MAN2B2: variants seen among roughly 807,000 people sequenced by gnomAD.
MAN2B2 encodes mannosidase alpha class 2B member 2.
Under a neutral mutation model 117.1 loss-of-function variants are expected in MAN2B2, and 106 were observed. The ratio of observed to expected loss-of-function variants is 0.90; its 90% confidence interval spans 0.77 to 1.06. MAN2B2 has a LOEUF of 1.06. MAN2B2 is among the 50% of genes least tolerant of loss of function. MAN2B2 has a pLI of 0.00. For synonymous variants in MAN2B2, 544 were observed against 595.1 expected, an observed-to-expected ratio of 0.91 and a Z score of 1.25; for missense variants, 1,326 against 1,381.4, an observed-to-expected ratio of 0.96 and a Z score of 0.64.
chr4:6,614,337 T>C lies in MAN2B2; in HGVS notation c.2683T>C (p.Ser895Pro). 6.2e-7 allele frequency: 1 copy of C among 1,613,938 alleles called. No homozygotes were observed. Among genetic ancestry groups the C allele is most frequent in the Non-Finnish European group, 8.5e-7 (1 of 1,179,910 alleles). ...CTACAGCTCCAACCACACGGAGCAC[T>C]CTCAGAATCTCCGGAAAGGTGAGGC... is the stretch of plus-strand genomic sequence containing the variant. ...WRYSSNHTEH[S>P]QNLRKGHRGE... The change falls in exon 16 of 19, where the codon TCT becomes CCT. Residue 895 changes from serine (S) to proline (P), a missense_variant. Coordinates refer to ENST00000285599, the MANE Select transcript of MAN2B2 (RefSeq NM_015274.3).
At chr4:6,612,795 T>G (rs1256955559) in intron 15 of MAN2B2, among the ~76,000 whole-genome samples, 1 of 152,240 alleles carries the variant, frequency 6.6e-6, no homozygotes, top group African/African-American at 2.4e-5. Context: ...CTGGTCTCTG[T>G]TGGTTGCAAG....
chr4:6,578,146 T>C (rs760516625), intron 2 of MAN2B2, among the ~76,000 whole-genome samples: 1 of 152,212 alleles, frequency 6.6e-6, no homozygotes, highest in Non-Finnish European at 1.5e-5. Context: ...AATTAGTTAA[T>C]AAAATAAGAT....
intron 17 of MAN2B2, chr4:6,619,391 G>A (rs1175153953): frequency 6.6e-6 from 1 of 152,436 alleles, no homozygotes; most frequent in Non-Finnish European, 1.5e-5. Flanking sequence ...GTAGTGGCCA[G>A]AAAGGCCTTG....
intron 12 of MAN2B2, 161 bp from the exon 13 acceptor site, chr4:6,609,637 G>C: frequency 1.1e-6 from 1 of 895,476 alleles, no homozygotes. Context: ...CCAGCCGCTC[G>C]GGGTCCTGGG....
At chr4:6,579,332 C>T (rs1327493015) in intron 3 of MAN2B2, among the ~76,000 whole-genome samples, 9 of 131,986 alleles carry the variant, frequency 6.8e-5, no homozygotes, top group South Asian at 2.7e-4. Context: ...CCACCACCAC[C>T]ACCACCACCA....
chr4:6,608,601 G>A (rs1202093035), intron 11 of MAN2B2, among the ~76,000 whole-genome samples: 2 of 152,314 alleles, frequency 1.3e-5, no homozygotes, highest in African/African-American at 2.4e-5. Flanking sequence ...GTGTGATCTT[G>A]GGTACATGAT....
rs1711741574 is a variant in MAN2B2 at position 6,614,249 on chromosome 4, G to T, written c.2595G>T (p.Gln865His). The T allele has an allele frequency of 6.2e-7, 1 of 1,613,968 alleles. No homozygotes were observed. Among genetic ancestry groups the T allele is most frequent in the Non-Finnish European group, 8.5e-7 (1 of 1,179,986 alleles). The part of the protein sequence containing the change: ...GTAPKLPGPQ[Q>H]QEAVTLPPNL... Reference sequence around the variant, plus strand: ...CGCCGAAGCTCCCAGGACCCCAGCAGCAAGAGGCCGTGACGCTGCCCCCGA... The same window carrying T: ...CGCCGAAGCTCCCAGGACCCCAGCATCAAGAGGCCGTGACGCTGCCCCCGA... The change falls in exon 16 of 19, where the codon CAG (glutamine) becomes CAT (histidine). Residue 865 changes from glutamine (Q) to histidine (H), a missense_variant. Coordinates refer to ENST00000285599, the MANE Select transcript of MAN2B2 (RefSeq NM_015274.3).
intron 9 of MAN2B2, among the ~76,000 whole-genome samples, chr4:6,598,597 G>T (rs1434175922): frequency 6.6e-6 from 1 of 152,316 alleles, no homozygotes; most frequent in East Asian, 1.9e-4. Context: ...AACATGTTTT[G>T]AGCATTTACT....
intron 15 of MAN2B2, among the ~76,000 whole-genome samples, chr4:6,612,332 G>C (rs1285646149): frequency 2.0e-5 from 3 of 152,242 alleles, no homozygotes; most frequent in Non-Finnish European, 4.4e-5. Flanking sequence ...AAGGAGCCAT[G>C]CCATAGAGGG....
Position 6,579,574 on chromosome 4 carries a change from A to G in MAN2B2, c.391+1076A>G, listed in dbSNP as rs1476087746. Among the ~76,000 whole-genome samples the G allele has an allele frequency of 2.7e-5, 4 of 149,206 alleles. No homozygotes were observed. The South Asian group carries it at 8.5e-4, about 32-fold the overall frequency. On this transcript the variant is annotated intron_variant, in intron 3 of 18. Coordinates refer to ENST00000285599, the MANE Select transcript of MAN2B2 (RefSeq NM_015274.3). Reference sequence around the variant, plus strand: ...CACTACCACTACCATTACTACCACTACCATCACCACCATCACCACTACCAC... The same window carrying G: ...CACTACCACTACCATTACTACCACTGCCATCACCACCATCACCACTACCAC...
At position 6,606,589 on chromosome 4, in the gene MAN2B2, C is replaced by T. The variant is rs919299037; in HGVS notation, c.1814+1260C>T. On this transcript the variant is annotated intron_variant, in intron 11 of 18. Coordinates refer to ENST00000285599, the MANE Select transcript of MAN2B2 (RefSeq NM_015274.3). ...GGCATTTCCAGCACTGGAGCTCAGG[C>T]TGTCCTGTCCCGTTTGTGGCCCTGT... Among the ~76,000 whole-genome samples, 21 of 152,380 alleles carry T rather than the reference C, an allele frequency of 1.4e-4. No individual in the cohort carries two copies. The Middle Eastern group carries it at 0.01, about 74-fold the overall frequency.
intron 11 of MAN2B2, among the ~76,000 whole-genome samples, chr4:6,607,504 C>T (rs1727599537): frequency 6.6e-6 from 1 of 152,210 alleles, no homozygotes; most frequent in South Asian, 2.1e-4. Flanking sequence ...CATGCCCAAC[C>T]CACAACCCAC....
At chr4:6,602,667 T>C (rs1232398846) in intron 10 of MAN2B2, among the ~76,000 whole-genome samples, 2 of 150,850 alleles carry the variant, frequency 1.3e-5, no homozygotes, top group Non-Finnish European at 3.0e-5. Flanking sequence ...ACTGTCAGTT[T>C]TCCTTTTTTT....
chr4:6,607,960 G>A (rs951818590), intron 11 of MAN2B2, among the ~76,000 whole-genome samples: 2 of 152,166 alleles, frequency 1.3e-5, no homozygotes, highest in African/African-American at 2.4e-5. Context: ...TGATGGTTTC[G>A]ATTTGCATTT....
intron 10 of MAN2B2, among the ~76,000 whole-genome samples, chr4:6,604,716 T>A (rs957533471): frequency 1.3e-5 from 2 of 151,176 alleles, no homozygotes; most frequent in Non-Finnish European, 3.0e-5. Context: ...CCAGAAGAGG[T>A]CAGTGGATTT....
intron 10 of MAN2B2, among the ~76,000 whole-genome samples, chr4:6,604,386 G>A (rs1249989906): frequency 6.7e-6 from 1 of 149,922 alleles, no homozygotes; most frequent in African/African-American, 2.4e-5. Context: ...CCAGGCAGAG[G>A]CCACAGGGAA....
intron 9 of MAN2B2, among the ~76,000 whole-genome samples, chr4:6,599,705 G>A (rs1727251153): frequency 6.7e-6 from 1 of 150,184 alleles, no homozygotes; most frequent in African/African-American, 2.4e-5. Context: ...ACAGGCAAGA[G>A]CCACCATGCC....
Position 6,605,200 on chromosome 4 carries a change from C to G in MAN2B2, c.1685C>G (p.Thr562Ser). ...GAGCCGGCTGCCACTGTGGCGAGCA[C>G]CCTTCAATTTGGCCGCAGGCTGAGG... ...TQEPAATVASTLQFGRRLRRR... is the reference protein window; with the variant it reads ...TQEPAATVASSLQFGRRLRRR... Residue 562 changes from threonine (T) to serine (S), a missense_variant, in exon 11 of 19, where the codon ACC (threonine) becomes AGC (serine). Coordinates refer to ENST00000285599, the MANE Select transcript of MAN2B2 (RefSeq NM_015274.3). The G allele has an allele frequency of 6.2e-7, 1 of 1,614,216 alleles. No homozygotes were observed. The highest frequency in any genetic ancestry group is 8.5e-7 in the Non-Finnish European group (1 of 1,180,034).
chr4:6,620,599 G>A (rs1712124052), intron 18 of MAN2B2: 1 of 166,366 alleles, frequency 6.0e-6, no homozygotes, highest in Admixed American at 5.6e-5. Flanking sequence ...TCTGTCCTGT[G>A]CAGCTCGTTG....
Sources: allele counts gnomAD v4.1 joint callset (sites outside exome capture counted in the v4.1 genomes callset), GRCh38; gene constraint gnomAD v4.1.1; transcripts MANE v1.5; gene names NCBI Gene and HGNC (gene_info 2026-07-23, HGNC 2026-07-21).